The following TTC7B variants were observed in gnomAD, a reference collection of about 807,000 sequenced individuals.
The protein encoded by TTC7B is tetratricopeptide repeat domain 7B.
A neutral mutation model predicts 106.8 loss-of-function variants in TTC7B; 28 were observed. That is an observed-to-expected ratio of 0.26 (90% CI 0.19 to 0.36). TTC7B has a LOEUF of 0.36. Among genes scored for constraint, TTC7B ranks in the 10% least tolerant of loss-of-function variants. The pLI is 1.00. For missense variants in TTC7B, 862 were observed against 1,076.4 expected, an observed-to-expected ratio of 0.80 and a Z score of 2.79; for synonymous variants, 405 against 430.6, an observed-to-expected ratio of 0.94 and a Z score of 0.74.
chr14:90,792,764 A>G (rs188933043), intron 1 of TTC7B, among the ~76,000 whole-genome samples: 1 of 152,248 alleles, frequency 6.6e-6, no homozygotes, highest in African/African-American at 2.4e-5. Context: ...GGGGTGGGAG[A>G]GGAGACAAAG....
At chr14:90,668,014 TA>T (rs1886477472) in intron 9 of TTC7B, among the ~76,000 whole-genome samples, 2 of 152,126 alleles carry the variant, frequency 1.3e-5, no homozygotes, top group Non-Finnish European at 2.9e-5. Flanking sequence ...AGTCAGTCTT[TA>T]GAAGAATACA....
At chr14:90,568,207 G>T (rs983808866) in intron 19 of TTC7B, among the ~76,000 whole-genome samples, 4 of 152,172 alleles carry the variant, frequency 2.6e-5, no homozygotes, top group Non-Finnish European at 4.4e-5. Context: ...CTAAAATCCA[G>T]GGAGGTGGGA....
At chr14:90,703,935 C>A (rs960674570) in intron 5 of TTC7B, among the ~76,000 whole-genome samples, 32 of 152,010 alleles carry the variant, frequency 2.1e-4, no homozygotes, top group Non-Finnish European at 1.0e-4. Context: ...ACAAAAAGGG[C>A]AAAGGTTGAG....
At position 90,632,423 on chromosome 14, in the gene TTC7B, C is replaced by T. The variant is rs764247011; in HGVS notation, c.1751+11625G>A. Among the ~76,000 whole-genome samples, 13 of 152,254 alleles carry T rather than the reference C, an allele frequency of 8.5e-5. No homozygotes were observed. In the South Asian group the frequency reaches 2.1e-3, roughly 24 times the overall value. On this transcript the variant is annotated intron_variant, in intron 15 of 19. Coordinates refer to ENST00000328459, the MANE Select transcript of TTC7B (RefSeq NM_001010854.2). ...TGTGTGTGCCCGAGTGAAAAAGAAA[C>T]ATTAGTCTCACTTGCCAAGTAATGA...
At chr14:90,626,866 C>A (rs971315182) in intron 15 of TTC7B, among the ~76,000 whole-genome samples, 1 of 152,170 alleles carries the variant, frequency 6.6e-6, no homozygotes, top group Non-Finnish European at 1.5e-5. Flanking sequence ...CTCTCCTAAG[C>A]GCGTCTTCTC....
At chr14:90,661,670 T>C (rs1272050699) in intron 9 of TTC7B, among the ~76,000 whole-genome samples, 1 of 152,174 alleles carries the variant, frequency 6.6e-6, no homozygotes, top group African/African-American at 2.4e-5. Flanking sequence ...ACTCAACCAA[T>C]ACATTGCAAT....
At chr14:90,638,207 A>G (rs1303190830) in intron 15 of TTC7B, among the ~76,000 whole-genome samples, 1 of 152,166 alleles carries the variant, frequency 6.6e-6, no homozygotes, top group Admixed American at 6.5e-5. Flanking sequence ...TAATGGTAAA[A>G]CATTGAAAGA....
chr14:90,630,889 C>CA (rs909463624), intron 15 of TTC7B, among the ~76,000 whole-genome samples: 1 of 147,284 alleles, frequency 6.8e-6, no homozygotes, highest in African/African-American at 2.5e-5. Context: ...GGCTGGAGTG[C>CA]AGTGGCATGA....
intron 13 of TTC7B, among the ~76,000 whole-genome samples, chr14:90,652,118 T>A (rs1034978626): frequency 1.3e-5 from 2 of 152,032 alleles, no homozygotes; most frequent in Non-Finnish European, 2.9e-5. Flanking sequence ...GAAACTGTGT[T>A]AGAGCCAGGA....
At chr14:90,804,191 C>T (rs559377601) in intron 1 of TTC7B, among the ~76,000 whole-genome samples, 2 of 152,120 alleles carry the variant, frequency 1.3e-5, no homozygotes, top group Admixed American at 6.5e-5. Flanking sequence ...AAAAATTAGC[C>T]GGGCGTGGTG....
chr14:90,763,823 A>G (rs929921915), intron 3 of TTC7B, among the ~76,000 whole-genome samples: 1 of 152,238 alleles, frequency 6.6e-6, no homozygotes, highest in Non-Finnish European at 1.5e-5. Flanking sequence ...AAAAAAATCT[A>G]CAAAACATTT....
At chr14:90,589,248 T>A (rs1157550828) in intron 18 of TTC7B, among the ~76,000 whole-genome samples, 2 of 152,182 alleles carry the variant, frequency 1.3e-5, no homozygotes, top group Non-Finnish European at 2.9e-5. Context: ...GAGTTTATCT[T>A]ACAGATAAAA....
chr14:90,722,203 T>C (rs548942793), intron 5 of TTC7B, among the ~76,000 whole-genome samples: 2 of 152,308 alleles, frequency 1.3e-5, no homozygotes, highest in Admixed American at 6.5e-5. Flanking sequence ...ACTTCCATTC[T>C]GAAGCTGTTA....
intron 19 of TTC7B, among the ~76,000 whole-genome samples, chr14:90,560,942 G>C (rs1015331091): frequency 3.3e-5 from 5 of 152,240 alleles, no homozygotes; most frequent in African/African-American, 9.6e-5. Flanking sequence ...GTTCTAATTA[G>C]AGAGCCAATT....
intron 18 of TTC7B, 144 bp downstream of exon 18, chr14:90,593,342 C>A: frequency 8.2e-7 from 1 of 1,222,406 alleles, no homozygotes; most frequent in Non-Finnish European, 1.1e-6. Flanking sequence ...CATTTTGGTG[C>A]ATGGCCGTGA....
At chr14:90,611,967 T>C (rs937475482) in intron 16 of TTC7B, among the ~76,000 whole-genome samples, 2 of 152,236 alleles carry the variant, frequency 1.3e-5, no homozygotes, top group African/African-American at 2.4e-5. Flanking sequence ...TGATTTTTTG[T>C]TGTGAAGAAG....
At chr14:90,699,343 G>A (rs1282284280) in intron 5 of TTC7B, 1 of 392,800 alleles carries the variant, frequency 2.5e-6, no homozygotes, top group East Asian at 7.7e-5. Flanking sequence ...TGTAATGAGT[G>A]GCTACTTCAA....
intron 7 of TTC7B, among the ~76,000 whole-genome samples, chr14:90,686,340 G>T (rs1219904852): frequency 6.6e-6 from 1 of 152,058 alleles, no homozygotes; most frequent in Non-Finnish European, 1.5e-5. Context: ...CTGATGAAGG[G>T]CATCTATAAA....
Position 90,578,915 on chromosome 14 carries a change from C to A in TTC7B, c.2108-607G>T, listed in dbSNP as rs1891372693. On this transcript the variant is annotated intron_variant, in intron 18 of 19. Coordinates refer to ENST00000328459, the MANE Select transcript of TTC7B (RefSeq NM_001010854.2). This position sits in a 1 kb window ranked among gnomAD's most constrained non-coding sequence, Gnocchi z 4.7. ...TAAACTCTTATCTGTGTCACAGTGA[C>A]AAAGCCCTTTGACAAGCCAAGCTAT... is the stretch of plus-strand genomic sequence containing the variant. 6.6e-6 allele frequency among the ~76,000 whole-genome samples: 1 copy of A among 152,192 alleles called. No homozygotes were observed. The highest frequency in any genetic ancestry group is 1.5e-5 in the Non-Finnish European group (1 of 68,028).
Sources: gnomAD v4.1 joint callset for allele counts (sites outside exome capture counted in the v4.1 genomes callset) on GRCh38, gnomAD v4.1.1 for gene constraint, Gnocchi (gnomAD v3.1) non-coding constraint, MANE v1.5 for transcripts, NCBI Gene and HGNC (gene_info 2026-07-23, HGNC 2026-07-21) for gene names.